The following HMCN2 variants were observed in gnomAD, a reference collection of about 807,000 sequenced individuals.
HMCN2 encodes the protein hemicentin-2.
Under a neutral mutation model 377.5 loss-of-function variants are expected in HMCN2, and 325 were observed. The observed-to-expected ratio is 0.86, with a 90% CI of 0.79 to 0.94. The LOEUF is 0.94. Ranked by LOEUF, HMCN2 falls within the 40% of genes least tolerant of loss-of-function variation. The pLI, the probability that HMCN2 is intolerant of heterozygous loss-of-function variation, is 0.00. For missense variants in HMCN2, 4,543 were observed against 4,725.3 expected, an observed-to-expected ratio of 0.96 and a Z score of 1.13; for synonymous variants, 2,007 against 2,046.8, an observed-to-expected ratio of 0.98 and a Z score of 0.53.
At chr9:130,417,521 CA>C (rs397893236) in intron 85 of HMCN2, among the ~76,000 whole-genome samples, 45 of 47,350 alleles carry the variant, frequency 9.5e-4, no homozygotes, top group African/African-American at 1.7e-3. Flanking sequence ...GACTCCGTCT[CA>C]AAAAAAAAAA....
rs1554935519 is a variant in HMCN2 at position 130,303,884 on chromosome 9, G to T, written c.1543+276G>T. Among the ~76,000 whole-genome samples the T allele has an allele frequency of 6.6e-6, 1 of 152,152 alleles. No individual in the cohort carries two copies. On this transcript the variant is annotated intron_variant, in intron 10 of 97. Transcript: ENST00000683500. This position sits in a 1 kb window ranked among gnomAD's most constrained non-coding sequence, Gnocchi z 5.2. ...CCCAACTCTGACTTCTCGGGGCTCG[G>T]CTTTCAGGGGCCGCCATCCATCTCG...
At chr9:130,335,193 ATCCCTGTT>A (rs1405070344) in intron 22 of HMCN2, among the ~76,000 whole-genome samples, 2 of 151,982 alleles carry the variant, frequency 1.3e-5, no homozygotes, top group African/African-American at 4.8e-5. Flanking sequence ...GGCCCACATC[ATCCCTGTT>A]TGCCAGCCCA....
chr9:130,273,146 C>CT (rs59958247), intron 1 of HMCN2, among the ~76,000 whole-genome samples: 158 of 148,962 alleles, frequency 1.1e-3, no homozygotes, highest in African/African-American at 3.3e-3. Context: ...AGGTTCCACC[C>CT]TTTTTTTTTT....
chr9:130,324,136 T>TGAACTG (rs1837998360), intron 19 of HMCN2, among the ~76,000 whole-genome samples: 1 of 152,222 alleles, frequency 6.6e-6, no homozygotes, highest in Admixed American at 6.5e-5. Context: ...CTCATCATCC[T>TGAACTG]AAACTGAAAC....
At chr9:130,370,879 G>A (rs1840984643) in intron 45 of HMCN2, 85 bp from the exon 46 acceptor site, 1 of 840,224 alleles carries the variant, frequency 1.2e-6, no homozygotes, top group South Asian at 5.5e-5. Context: ...GGTGGAGTTG[G>A]GGGGCAGTCA....
chr9:130,330,170 C>T (rs1838351605), intron 22 of HMCN2, among the ~76,000 whole-genome samples: 1 of 152,074 alleles, frequency 6.6e-6, no homozygotes, highest in Non-Finnish European at 1.5e-5. Context: ...GTCGTAGGTG[C>T]TCATCTCTTG....
Position 130,360,465 on chromosome 9 carries a change from A to G in HMCN2, c.5811A>G (p.Ser1937=), listed in dbSNP as rs2131561126. 1 of 1,302,446 alleles carries G rather than the reference A, an allele frequency of 7.7e-7. No homozygotes were observed. The highest frequency in any genetic ancestry group is 1.0e-6 in the Non-Finnish European group (1 of 988,422). 80.7% of individuals were successfully genotyped at this position (1,302,446 alleles called of 1,614,324 possible). A position where few individuals can be genotyped will look rare whatever the true frequency, so the allele number is the denominator to read the frequency against. The change falls in exon 38 of 98, where the codon TCA becomes TCG. Residue 1937 remains serine (S), a synonymous_variant. Transcript: ENST00000683500. This position sits in a 1 kb window ranked among gnomAD's most constrained non-coding sequence, Gnocchi z 4.7. ...TCAAGGGCCACCAACCTGTCTCTTC[A>G]TGGATGGGAGTGACAGTATCAGTGG... is the stretch of plus-strand genomic sequence containing the variant. ...SWFKGHQPVS[S]WMGVTVSVDG...
chr9:130,322,342 CCATCTATCT>C (rs1837902148), intron 19 of HMCN2, among the ~76,000 whole-genome samples: 91 of 148,092 alleles, frequency 6.1e-4, no homozygotes, highest in Non-Finnish European at 1.0e-3. Context: ...ATCTATCTAT[CCATCTATCT>C]ATCTATCTAT....
intron 1 of HMCN2, among the ~76,000 whole-genome samples, chr9:130,278,218 A>G (rs919633865): frequency 2.0e-5 from 3 of 151,904 alleles, no homozygotes; most frequent in African/African-American, 4.8e-5. Flanking sequence ...TCCGCCTCCC[A>G]GGTTCACGCC....
At chr9:130,277,354 C>T (rs1834750519) in intron 1 of HMCN2, among the ~76,000 whole-genome samples, 1 of 152,358 alleles carries the variant, frequency 6.6e-6, no homozygotes, top group South Asian at 2.1e-4. Flanking sequence ...TGCCCACCCT[C>T]AGTCCTGAAT....
chr9:130,376,629 C>T lies in HMCN2; in HGVS notation c.8032C>T (p.Pro2678Ser). 1.2e-5 allele frequency: 12 copies of T among 985,876 alleles called. No homozygotes were observed. Among genetic ancestry groups the T allele is most frequent in the South Asian group, 4.7e-5 (1 of 21,290 alleles). The allele number at this position is 985,876 out of a possible 1,614,324, so 61.1% of individuals were successfully genotyped here. The change falls in exon 52 of 98, where the codon CCC becomes TCC. Residue 2678 changes from proline to serine, a missense_variant. Coordinates refer to ENST00000683500, the MANE Select transcript of HMCN2 (RefSeq NM_001291815.2). ...GTGTGAGAGCTGGGCTGTGCCCCCG[C>T]CCACCATCCGCTGGTACAAGGATGG... ...LECESWAVPP[P>S]TIRWYKDGQP...
intron 54 of HMCN2, among the ~76,000 whole-genome samples, chr9:130,381,325 G>A (rs969565409): frequency 5.3e-5 from 8 of 152,052 alleles, no homozygotes; most frequent in Non-Finnish European, 1.2e-4. Flanking sequence ...GGCCCCCACT[G>A]GAGACCAACG....
chr9:130,302,879 C>T lies in HMCN2; in HGVS notation c.1299C>T (p.Ala433=), dbSNP rs868953001. 2.1e-6 allele frequency: 1 copy of T among 469,590 alleles called. No homozygotes were observed. Among genetic ancestry groups the T allele is most frequent in the Non-Finnish European group, 4.4e-6 (1 of 226,080 alleles). The allele number at this position is 469,590 out of a possible 1,614,324, so 29.1% of individuals were successfully genotyped here. A position where few individuals can be genotyped will look rare whatever the true frequency, so the allele number is the denominator to read the frequency against. ...VAPGAPLVSM[A]PRIHGYLHQP... is the part of the protein sequence containing the mutation. ...CAGGCGCTCCCCTCGTCAGCATGGC[C>T]CCCAGGATCCATGGCTACCTGCACC... Residue 433 remains alanine, a synonymous_variant, in exon 9 of 98, where the codon GCC becomes GCT. Transcript: ENST00000683500.
intron 57 of HMCN2, among the ~76,000 whole-genome samples, chr9:130,384,106 G>A (rs1841884815): frequency 6.6e-6 from 1 of 152,230 alleles, no homozygotes; most frequent in Admixed American, 6.5e-5. Flanking sequence ...GAGCCCTCAA[G>A]GTCATGGGCT....
At chr9:130,374,040 T>A (rs1841237010) in intron 48 of HMCN2, among the ~76,000 whole-genome samples, 1 of 151,168 alleles carries the variant, frequency 6.6e-6, no homozygotes, top group Non-Finnish European at 1.5e-5. Flanking sequence ...GGATGATTGG[T>A]TGAATGGAGG....
chr9:130,289,836 C>T lies in HMCN2; in HGVS notation c.612+3526C>T, dbSNP rs75664510. ...CTAGGGTTCTCTCTCTGTCACTTCA[C>T]GGTAAGCCTCCTGGCACAGGGCCCA... On this transcript the variant is annotated intron_variant, in intron 4 of 97. Coordinates refer to ENST00000683500, the MANE Select transcript of HMCN2 (RefSeq NM_001291815.2). 6.5e-3 allele frequency among the ~76,000 whole-genome samples: 987 copies of T among 152,278 alleles called. 10 individuals carry two copies. The highest frequency in any genetic ancestry group is 0.023 in the African/African-American group (945 of 41,542).
intron 8 of HMCN2, among the ~76,000 whole-genome samples, chr9:130,301,231 C>T (rs926048780): frequency 1.3e-5 from 2 of 152,232 alleles, no homozygotes; most frequent in Admixed American, 6.5e-5. Context: ...ACTGTGGTTC[C>T]GGGGCCTCTC....
intron 4 of HMCN2, among the ~76,000 whole-genome samples, chr9:130,292,258 C>G (rs1330912699): frequency 9.2e-5 from 14 of 152,170 alleles, no homozygotes; most frequent in African/African-American, 3.4e-4. Context: ...GCGTTTTTGC[C>G]TTTATGACTC....
At position 130,347,856 on chromosome 9, in the gene HMCN2, A is replaced by T; in HGVS notation, c.4024+496A>T. ...GAGAGACCCTGTCTCTACATAAAATAAACTTAAAAAATTATTTTTAAAAAT... is the reference window on the plus strand; with the variant it reads ...GAGAGACCCTGTCTCTACATAAAATTAACTTAAAAAATTATTTTTAAAAAT... On this transcript the variant is annotated intron_variant, in intron 26 of 97. Coordinates refer to ENST00000683500, the MANE Select transcript of HMCN2 (RefSeq NM_001291815.2). The surrounding 1 kb of genome is among the most constrained non-coding windows in gnomAD (Gnocchi z 5.1). The T allele has an allele frequency of 3.6e-6, 1 of 281,316 alleles. No individual in the cohort carries two copies. The highest frequency in any genetic ancestry group is 5.4e-6 in the Non-Finnish European group (1 of 186,574). 17.4% of individuals were successfully genotyped at this position (281,316 alleles called of 1,614,324 possible). A position where few individuals can be genotyped will look rare whatever the true frequency, so the allele number is the denominator to read the frequency against.
Sources: gnomAD v4.1 joint callset for allele counts (sites outside exome capture counted in the v4.1 genomes callset) on GRCh38, gnomAD v4.1.1 for gene constraint, Gnocchi (gnomAD v3.1) non-coding constraint, MANE v1.5 for transcripts, NCBI Gene and HGNC (gene_info 2026-07-23, HGNC 2026-07-21) for gene names.